The following OR3A1 variants were observed in gnomAD, a reference collection of about 807,000 sequenced individuals.
The protein encoded by OR3A1 is olfactory receptor family 3 subfamily A member 1.
For missense variants in OR3A1, 402 were observed against 393.8 expected (o/e 1.02, Z -0.18); for synonymous variants, 145 against 160.0 (o/e 0.91, Z 0.71).
intron 1 of OR3A1, among the ~76,000 whole-genome samples, chr17:3,295,140 G>T (rs541197960): frequency 9.8e-4 from 149 of 152,036 alleles, no homozygotes; most frequent in African/African-American, 3.4e-3. Flanking sequence ...AATCTCAAAA[G>T]GTAAAATGTT....
At chr17:3,295,259 G>A (rs73977629) in intron 1 of OR3A1, among the ~76,000 whole-genome samples, 2,137 of 151,924 alleles carry the variant, frequency 0.014, 33 homozygotes, top group African/African-American at 0.048. Flanking sequence ...CATAATGGGG[G>A]TATAAGTACA....
intron 1 of OR3A1, among the ~76,000 whole-genome samples, chr17:3,296,173 C>T (rs954162006): frequency 6.6e-6 from 1 of 151,914 alleles, no homozygotes; most frequent in African/African-American, 2.4e-5. Context: ...ATGATCACAG[C>T]CCAATGGAAA....
intron 1 of OR3A1, among the ~76,000 whole-genome samples, chr17:3,297,424 C>T (rs181920176): frequency 6.6e-6 from 1 of 152,274 alleles, no homozygotes; most frequent in Admixed American, 6.5e-5. Context: ...TTTGTTCTAA[C>T]CATTTACTTT....
At chr17:3,296,727 G>A (rs145704398) in intron 1 of OR3A1, among the ~76,000 whole-genome samples, 10 of 152,076 alleles carry the variant, frequency 6.6e-5, no homozygotes, top group Admixed American at 2.6e-4. Flanking sequence ...AAACTTGCTC[G>A]AGAAAAGTTG....
In OR3A1 at chr17:3,291,111, T is replaced by C. The variant is rs1326860472; in HGVS notation, c.*524A>G. 2 of 152,698 alleles carry C rather than the reference T, an allele frequency of 1.3e-5. No homozygotes were observed. Among genetic ancestry groups the C allele is most frequent in the African/African-American group, 2.4e-5 (1 of 41,458 alleles). The allele number at this position is 152,698 out of a possible 1,614,324, so 9.5% of individuals were successfully genotyped here. A position where few individuals can be genotyped will look rare whatever the true frequency, so the allele number is the denominator to read the frequency against. Reference sequence around the variant, plus strand: ...CCCTGTCTATGCTATGGGGTCCTTGTTTAATGGGAATAGAAAGAGCTACTT... The same window carrying C: ...CCCTGTCTATGCTATGGGGTCCTTGCTTAATGGGAATAGAAAGAGCTACTT... On this transcript the variant is annotated 3_prime_UTR_variant, in exon 2 of 2. Transcript: ENST00000323404.
Position 3,292,376 on chromosome 17 carries a change from TA to T in OR3A1, c.206del (p.Leu69HisfsTer17), listed in dbSNP as rs779561803. 2.0e-5 allele frequency: 32 copies of T among 1,613,828 alleles called. 1 individual carries two copies. The South Asian group carries it at 3.3e-4, about 17-fold the overall frequency. On this transcript the variant is annotated frameshift_variant, in exon 2 of 2. Transcript: ENST00000323404. LOFTEE classifies it low-confidence loss of function (END_TRUNC). ...HTPMYFFLGNLSVLDVGCISV... is the reference protein window; with the variant it reads ...HTPMYFFLGNXSVLDVGCISV... Reference sequence around the variant, plus strand: ...TGATGCACCCAACATCCAGCACTGATAGGTTCCCCAGGAAGAAGTACATGGG... The same window carrying T: ...TGATGCACCCAACATCCAGCACTGATGGTTCCCCAGGAAGAAGTACATGGG...
Position 3,292,474 on chromosome 17 carries a change from C to G in OR3A1, c.109G>C (p.Ala37Pro). 1 of 1,613,660 alleles carries G rather than the reference C, an allele frequency of 6.2e-7. No individual in the cohort carries two copies. The highest frequency in any genetic ancestry group is 8.5e-7 in the Non-Finnish European group (1 of 1,179,908). Residue 37 changes from alanine to proline, a missense_variant, in exon 2 of 2, where the codon GCC becomes CCC. By Grantham distance (27) the Ala-to-Pro change is conservative (BLOSUM62 -1). Coordinates refer to ENST00000323404, the MANE Select transcript of OR3A1 (RefSeq NM_002550.3). ...QPVVFVLFLF[A>P]YLVTVRGNLS... ...TTGCCCCTGACCGTGACCAGGTAGG[C>G]AAAGAGGAAGAGCACAAAGACAACT...
At chr17:3,294,454 A>G (rs1309760774) in intron 1 of OR3A1, among the ~76,000 whole-genome samples, 1 of 152,200 alleles carries the variant, frequency 6.6e-6, no homozygotes, top group African/African-American at 2.4e-5. Flanking sequence ...AAGACAAAGG[A>G]GATCCAATCT....
chr17:3,296,663 A>G (rs2048920434), intron 1 of OR3A1, among the ~76,000 whole-genome samples: 1 of 152,238 alleles, frequency 6.6e-6, no homozygotes, highest in Admixed American at 6.5e-5. Context: ...ACCCCAATCT[A>G]TATTTTTTGA....
Position 3,292,040 on chromosome 17 carries a change from G to A in OR3A1, c.543C>T (p.Tyr181=), listed in dbSNP as rs2048875778. Residue 181 remains tyrosine, a synonymous_variant, in exon 2 of 2, where the codon TAC becomes TAT. Transcript: ENST00000323404. ...GCTGGAAGAGCTGTGGGAGGTCACA[G>A]TAGAAGTGATTGATCACATTGGGGC... The part of the protein sequence containing the change: ...FCGPNVINHF[Y]CDLPQLFQLS... 1.9e-6 allele frequency: 3 copies of A among 1,614,230 alleles called. No homozygotes were observed. Among genetic ancestry groups the A allele is most frequent in the Non-Finnish European group, 2.5e-6 (3 of 1,180,048 alleles).
intron 1 of OR3A1, among the ~76,000 whole-genome samples, chr17:3,294,337 C>T (rs905542814): frequency 6.6e-6 from 1 of 151,328 alleles, no homozygotes; most frequent in Non-Finnish European, 1.5e-5. Flanking sequence ...ACCAAAAAAA[C>T]CAATATTAGA....
intron 1 of OR3A1, 99 bp from the exon 2 acceptor site, chr17:3,292,687 G>T: frequency 1.0e-6 from 1 of 969,158 alleles, no homozygotes; most frequent in Non-Finnish European, 1.5e-6. Flanking sequence ...CCGGCCCTCT[G>T]CCACGTTCCC....
Position 3,292,020 on chromosome 17 carries a change from A to G in OR3A1, c.563T>C (p.Phe188Ser), listed in dbSNP as rs531008041. The G allele has an allele frequency of 2.5e-6, 4 of 1,614,116 alleles. No individual in the cohort carries two copies. In the African/African-American group the frequency reaches 4.0e-5, roughly 16 times the overall value. The change falls in exon 2 of 2, where the codon TTC becomes TCC. Residue 188 changes from phenylalanine to serine, a missense_variant. Physicochemically the swap from Phe to Ser is radical, Grantham distance 155. Coordinates refer to ENST00000323404, the MANE Select transcript of OR3A1 (RefSeq NM_002550.3). ...NHFYCDLPQL[F>S]QLSCSSTQLN... ...TTGGGTGCTGGAGCAGGAGAGCTGG[A>G]AGAGCTGTGGGAGGTCACAGTAGAA... is the stretch of plus-strand genomic sequence containing the variant.
At chr17:3,296,284 G>A (rs1355945277) in intron 1 of OR3A1, among the ~76,000 whole-genome samples, 1 of 151,906 alleles carries the variant, frequency 6.6e-6, no homozygotes, top group Non-Finnish European at 1.5e-5. Flanking sequence ...ATATCTGCAG[G>A]AGAAGAAAAA....
At position 3,291,939 on chromosome 17, in the gene OR3A1, G is replaced by T; in HGVS notation, c.644C>A (p.Ala215Asp). 1.9e-6 allele frequency: 3 copies of T among 1,614,092 alleles called. No homozygotes were observed. The East Asian group carries it at 6.7e-5, about 36-fold the overall frequency. The change falls in exon 2 of 2, where the codon GCT becomes GAT. Residue 215 changes from alanine (A) to aspartate (D), a missense_variant. Physicochemically the swap from Ala to Asp is moderately radical, Grantham distance 126 (BLOSUM62 -2). Transcript: ENST00000323404. ...VGFIMAGTPM[A>D]LIVISYIHVA... is the part of the protein sequence containing the mutation. ...GTGGATATAGGAGATGACAATGAGAGCCATGGGGGTACCTGCCATTATAAA... is the reference window on the plus strand; with the variant it reads ...GTGGATATAGGAGATGACAATGAGATCCATGGGGGTACCTGCCATTATAAA...
rs1011271162 is a variant in OR3A1 at position 3,292,219 on chromosome 17, C to T, written c.364G>A (p.Ala122Thr). Residue 122 changes from alanine to threonine, a missense_variant, in exon 2 of 2, where the codon GCC becomes ACC. By Grantham distance (58) the Ala-to-Thr change is moderately conservative. Coordinates refer to ENST00000323404, the MANE Select transcript of OR3A1 (RefSeq NM_002550.3). The stretch of plus-strand genomic sequence containing the variant: ...CAGATGGCCAGGAATCGGTCATAGG[C>T]CATGGCGGTCAGCAGGAAGCAGTCC... ...GVDCFLLTAM[A>T]YDRFLAICRP... The T allele has an allele frequency of 8.1e-6, 13 of 1,614,036 alleles. No individual in the cohort carries two copies. The highest frequency in any genetic ancestry group is 1.1e-5 in the Non-Finnish European group (13 of 1,180,008).
intron 1 of OR3A1, among the ~76,000 whole-genome samples, chr17:3,293,144 T>A (rs1247970314): frequency 1.6e-5 from 2 of 126,460 alleles, no homozygotes; most frequent in East Asian, 3.6e-4. Flanking sequence ...TAAATGAGTA[T>A]AATTCTCTTA....
In OR3A1 at chr17:3,292,368, A is replaced by G. The variant is rs1288025099; in HGVS notation, c.215T>C (p.Leu72Pro). The change falls in exon 2 of 2, where the codon CTG (leucine) becomes CCG (proline). Residue 72 changes from leucine to proline, a missense_variant. By Grantham distance (98) the Leu-to-Pro change is moderately conservative. Transcript: ENST00000323404. ...AGTGACGCTGATGCACCCAACATCC[A>G]GCACTGATAGGTTCCCCAGGAAGAA... ...MYFFLGNLSVLDVGCISVTVP... is the reference protein window; with the variant it reads ...MYFFLGNLSVPDVGCISVTVP... 2 of 1,614,134 alleles carry G rather than the reference A, an allele frequency of 1.2e-6. No homozygotes were observed. The highest frequency in any genetic ancestry group is 1.1e-5 in the South Asian group (1 of 91,068).
chr17:3,292,337 T>C lies in OR3A1; in HGVS notation c.246A>G (p.Pro82=), dbSNP rs111595550. ...GGGACAGGAGACGACTCAACATTGA[T>C]GGAACAGTGACGCTGATGCACCCAA... is the stretch of plus-strand genomic sequence containing the variant. The part of the protein sequence containing the change: ...LDVGCISVTV[P]SMLSRLLSRK... Residue 82 remains proline (P), a synonymous_variant, in exon 2 of 2, where the codon CCA becomes CCG. Transcript: ENST00000323404. 6.1e-3 allele frequency: 9,863 copies of C among 1,614,002 alleles called. 28 individuals are homozygous for C. Among genetic ancestry groups the C allele is most frequent in the Non-Finnish European group, 7.8e-3 (9,183 of 1,179,986 alleles).
Sources: gnomAD v4.1 joint callset for allele counts (sites outside exome capture counted in the v4.1 genomes callset) on GRCh38, gnomAD v4.1.1 for gene constraint, MANE v1.5 for transcripts, NCBI Gene and HGNC (gene_info 2026-07-23, HGNC 2026-07-21) for gene names.